ATAD1: variants seen among roughly 807,000 people sequenced by gnomAD.
The protein encoded by ATAD1 is outer mitochondrial transmembrane helix translocase.
In ATAD1, 18 loss-of-function variants were observed where a neutral mutation model predicts 42.7. That is an observed-to-expected ratio of 0.42 (90% CI 0.29 to 0.63). The LOEUF is 0.63. Among genes scored for constraint, ATAD1 ranks in the 20% least tolerant of loss-of-function variants. The pLI, the probability that ATAD1 is intolerant of heterozygous loss-of-function variation, is 0.19. For synonymous variants in ATAD1, 132 were observed against 143.1 expected (o/e 0.92, Z 0.55); for missense variants, 294 against 440.4 (o/e 0.67, Z 2.98).
At chr10:87,760,049 AATG>A (rs1854409494) in intron 8 of ATAD1, among the ~76,000 whole-genome samples, 1 of 152,242 alleles carries the variant, frequency 6.6e-6, no homozygotes, top group South Asian at 2.1e-4. Context: ...AGCTTGAAAG[AATG>A]ATACTTACTT....
At chr10:87,813,253 A>C (rs1045072267) in intron 2 of ATAD1, among the ~76,000 whole-genome samples, 3 of 152,136 alleles carry the variant, frequency 2.0e-5, no homozygotes, top group Non-Finnish European at 2.9e-5. Context: ...TGTAACTTAT[A>C]ATATTTTGAC....
At chr10:87,765,365 T>C (rs1338852389) in intron 8 of ATAD1, among the ~76,000 whole-genome samples, 3 of 152,038 alleles carry the variant, frequency 2.0e-5, no homozygotes, top group Non-Finnish European at 4.4e-5. Context: ...TTCAATTATA[T>C]GCAGTTATCG....
intron 8 of ATAD1, among the ~76,000 whole-genome samples, chr10:87,767,257 C>A (rs1253645982): frequency 2.0e-5 from 3 of 152,118 alleles, no homozygotes; most frequent in African/African-American, 7.2e-5. Flanking sequence ...TGTATCAGTG[C>A]CTCAGCCTTT....
intron 4 of ATAD1, among the ~76,000 whole-genome samples, chr10:87,788,621 A>G (rs1855946727): frequency 6.6e-6 from 1 of 152,226 alleles, no homozygotes; most frequent in Non-Finnish European, 1.5e-5. Context: ...GGGTCTTTAA[A>G]CCAAGTCCAA....
intron 1 of ATAD1, among the ~76,000 whole-genome samples, chr10:87,815,245 T>G (rs1353176469): frequency 6.6e-6 from 1 of 151,918 alleles, no homozygotes; most frequent in Non-Finnish European, 1.5e-5. Flanking sequence ...CTGAGACAAC[T>G]ACTACAAGAA....
upstream of ATAD1, among the ~76,000 whole-genome samples, chr10:87,821,843 C>A (rs977922732): frequency 6.6e-6 from 1 of 152,214 alleles, no homozygotes; most frequent in African/African-American, 2.4e-5. Context: ...AATCAGTAAA[C>A]AAACATCTGA....
rs1169139088 is a variant in ATAD1 at position 87,771,816 on chromosome 10, T to TA, written c.691-776dup. Among the ~76,000 whole-genome samples, 12 of 152,100 alleles carry TA rather than the reference T, an allele frequency of 7.9e-5. 1 individual carries two copies. Among genetic ancestry groups the TA allele is most frequent in the Admixed American group, 7.9e-4 (12 of 15,252 alleles). On this transcript the variant is annotated intron_variant, in intron 6 of 9. Transcript: ENST00000680024. ...AAAAACAAAGATATATAAAACAAGT[T>TA]AATTTCTGAAGGACATCAATATTAC...
intron 1 of ATAD1, among the ~76,000 whole-genome samples, chr10:87,836,046 G>A (rs1370135967): frequency 1.3e-5 from 2 of 152,106 alleles, no homozygotes; most frequent in African/African-American, 4.8e-5. Flanking sequence ...AAATTTTAAG[G>A]AACTTAAGAG....
intron 5 of ATAD1, 48 bp from the exon 6 acceptor site, chr10:87,776,475 A>G (rs1855309162): frequency 6.7e-7 from 1 of 1,495,852 alleles, no homozygotes; most frequent in African/African-American, 1.4e-5. Context: ...TTAATTATTT[A>G]CCCTTTTTTT....
chr10:87,793,833 G>T (rs1471921580), intron 2 of ATAD1, among the ~76,000 whole-genome samples: 4 of 152,076 alleles, frequency 2.6e-5, no homozygotes, highest in Non-Finnish European at 5.9e-5. Context: ...GAATCTTGCT[G>T]TCTATCCAGG....
chr10:87,773,012 T>C (rs1407396018), intron 6 of ATAD1, among the ~76,000 whole-genome samples: 2 of 152,098 alleles, frequency 1.3e-5, no homozygotes, highest in Non-Finnish European at 2.9e-5. Context: ...GGCCTCCAGC[T>C]TCATCTGGAG....
chr10:87,820,861 T>C (rs1389779397), upstream of ATAD1, among the ~76,000 whole-genome samples: 1 of 152,168 alleles, frequency 6.6e-6, no homozygotes, highest in Non-Finnish European at 1.5e-5. Flanking sequence ...AGAGTGAACA[T>C]ATGCTTTTCA....
intron 2 of ATAD1, among the ~76,000 whole-genome samples, chr10:87,809,605 T>C (rs1444991690): frequency 6.6e-6 from 1 of 151,826 alleles, no homozygotes; most frequent in Non-Finnish European, 1.5e-5. Context: ...GGGCCCACTA[T>C]AGTTATGAAC....
chr10:87,840,290 C>A (rs1025849178), intron 1 of ATAD1, among the ~76,000 whole-genome samples: 1 of 152,130 alleles, frequency 6.6e-6, no homozygotes, highest in Non-Finnish European at 1.5e-5. Context: ...TTGAGATGAG[C>A]CTGGGCAACA....
At chr10:87,757,400 G>C (rs1292652875) in intron 8 of ATAD1, among the ~76,000 whole-genome samples, 1 of 152,008 alleles carries the variant, frequency 6.6e-6, no homozygotes, top group Non-Finnish European at 1.5e-5. Context: ...AGCCAATTAA[G>C]TGACTGTCCT....
Position 87,754,433 on chromosome 10 carries a change from C to T in ATAD1, c.*254G>A, listed in dbSNP as rs1337808645. 1 of 277,172 alleles carries T rather than the reference C, an allele frequency of 3.6e-6. No homozygotes were observed. Among genetic ancestry groups the T allele is most frequent in the Non-Finnish European group, 6.9e-6 (1 of 144,610 alleles). 17.2% of individuals were successfully genotyped at this position (277,172 alleles called of 1,614,324 possible). A position where few individuals can be genotyped will look rare whatever the true frequency, so the allele number is the denominator to read the frequency against. On this transcript the variant is annotated 3_prime_UTR_variant, in exon 10 of 10. Coordinates refer to ENST00000680024, the MANE Select transcript of ATAD1 (RefSeq NM_001321967.2). ...CCAGCTTAGATTCTATAAGGCTGTA[C>T]AATATATGGCTGAAAAGGTCAAACA...
intron 8 of ATAD1, among the ~76,000 whole-genome samples, chr10:87,761,081 A>C (rs1343487751): frequency 2.6e-5 from 4 of 152,162 alleles, no homozygotes; most frequent in South Asian, 2.1e-4. Flanking sequence ...TTTAAAAAAA[A>C]AACAACAAAA....
intron 1 of ATAD1, chr10:87,817,924 G>C (rs992876919): frequency 1.0e-6 from 1 of 985,500 alleles, no homozygotes; most frequent in Non-Finnish European, 1.2e-6. Flanking sequence ...TTGGGGAAGA[G>C]CTAAGCAGAC....
At chr10:87,779,864 A>T (rs1390236453) in intron 5 of ATAD1, among the ~76,000 whole-genome samples, 1 of 152,240 alleles carries the variant, frequency 6.6e-6, no homozygotes, top group Non-Finnish European at 1.5e-5. Context: ...AACCTCAGTT[A>T]TTGCTGGTGG....
Sources: gnomAD v4.1 joint callset for allele counts (sites outside exome capture counted in the v4.1 genomes callset) on GRCh38, gnomAD v4.1.1 for gene constraint, MANE v1.5 for transcripts, NCBI Gene and HGNC (gene_info 2026-07-23, HGNC 2026-07-21) for gene names.